The following NPAS3 variants were observed in gnomAD, a reference collection of about 807,000 sequenced individuals.
NPAS3 encodes neuronal PAS domain protein 3, also known as neuronal PAS domain-containing protein 3.
Under a neutral mutation model 73.1 loss-of-function variants are expected in NPAS3, and 14 were observed. The observed-to-expected ratio is 0.19, with a 90% CI of 0.13 to 0.30. The LOEUF is 0.30. Ranked by LOEUF, NPAS3 falls within the 10% of genes least tolerant of loss-of-function variation. The pLI is 1.00. For missense variants in NPAS3, 1,096 were observed against 1,250.0 expected, an observed-to-expected ratio of 0.88 and a Z score of 1.86; for synonymous variants, 620 against 541.5, an observed-to-expected ratio of 1.14 and a Z score of -2.01.
chr14:33,166,494 G>C (rs929467947), intron 2 of NPAS3, among the ~76,000 whole-genome samples: 1 of 152,112 alleles, frequency 6.6e-6, no homozygotes, highest in Admixed American at 6.5e-5. Flanking sequence ...TAGACTCTTG[G>C]AGGGAGGGCA....
At chr14:33,597,049 T>A (rs1378233261) in intron 5 of NPAS3, among the ~76,000 whole-genome samples, 1 of 152,178 alleles carries the variant, frequency 6.6e-6, no homozygotes, top group Non-Finnish European at 1.5e-5. Context: ...TTTATATAAA[T>A]CAAAGGCGGT....
At position 33,357,865 on chromosome 14, in the gene NPAS3, A is replaced by T. The variant is rs1221995851; in HGVS notation, c.386-9321A>T. Among the ~76,000 whole-genome samples the T allele has an allele frequency of 2.0e-5, 3 of 152,196 alleles. 1 individual carries two copies. The highest frequency in any genetic ancestry group is 6.5e-5 in the Admixed American group (1 of 15,282). ...CCTCACAACTGCTGTGAGAGGCATTAACCCTTTTGACAGAATGAGAAATTG... is the reference window on the plus strand; with the variant it reads ...CCTCACAACTGCTGTGAGAGGCATTTACCCTTTTGACAGAATGAGAAATTG... On this transcript the variant is annotated intron_variant, in intron 3 of 11. Coordinates refer to ENST00000356141, the Ensembl canonical transcript of NPAS3.
chr14:33,538,604 G>A (rs754644724), intron 4 of NPAS3, among the ~76,000 whole-genome samples: 7 of 152,140 alleles, frequency 4.6e-5, no homozygotes, highest in Non-Finnish European at 8.8e-5. Flanking sequence ...CTTGGCATTA[G>A]GACTTATGAG....
rs545245207 is a variant in NPAS3 at position 33,298,113 on chromosome 14, C to A, written c.386-69073C>A. On this transcript the variant is annotated intron_variant, in intron 3 of 11. Transcript: ENST00000356141. ...CCTGGCCAACATGGTGAAACCCCGTCTCTACTAAAGATACAAAAAATTAGT... is the reference window on the plus strand; with the variant it reads ...CCTGGCCAACATGGTGAAACCCCGTATCTACTAAAGATACAAAAAATTAGT... 2.0e-5 allele frequency among the ~76,000 whole-genome samples: 3 copies of A among 152,272 alleles called. No individual in the cohort carries two copies. The East Asian group carries it at 5.8e-4, about 29-fold the overall frequency.
intron 2 of NPAS3, among the ~76,000 whole-genome samples, chr14:33,065,213 G>A (rs1451508248): frequency 6.6e-6 from 1 of 152,166 alleles, no homozygotes; most frequent in Non-Finnish European, 1.5e-5. Context: ...TGTGGAAATA[G>A]TTTTGCAGTT....
intron 4 of NPAS3, among the ~76,000 whole-genome samples, chr14:33,419,898 G>A (rs1366796773): frequency 6.6e-6 from 1 of 151,950 alleles, no homozygotes; most frequent in Non-Finnish European, 1.5e-5. Context: ...AGCCCGTTCA[G>A]AGTGACAGAA....
intron 3 of NPAS3, among the ~76,000 whole-genome samples, chr14:33,317,761 C>T (rs2140223717): frequency 6.6e-6 from 1 of 152,156 alleles, no homozygotes; most frequent in African/African-American, 2.4e-5. Flanking sequence ...AATTAAACCT[C>T]TTTCCTTTAT....
At chr14:33,111,384 A>G (rs2042887483) in intron 2 of NPAS3, among the ~76,000 whole-genome samples, 1 of 152,194 alleles carries the variant, frequency 6.6e-6, no homozygotes, top group South Asian at 2.1e-4. Context: ...CAGTTGCTTT[A>G]TAAGAATCCA....
At chr14:33,071,806 A>G (rs1030729735) in intron 2 of NPAS3, among the ~76,000 whole-genome samples, 26 of 152,332 alleles carry the variant, frequency 1.7e-4, no homozygotes, top group Non-Finnish European at 3.1e-4. Context: ...TATTCAAATG[A>G]AAAAATACAA....
intron 4 of NPAS3, among the ~76,000 whole-genome samples, chr14:33,400,942 T>C (rs78994338): frequency 1.4e-5 from 2 of 147,224 alleles, no homozygotes; most frequent in Admixed American, 6.8e-5. Context: ...TTTTTTTTTT[T>C]ACAGTTCTTT....
intron 7 of NPAS3, among the ~76,000 whole-genome samples, chr14:33,743,187 G>A (rs1331757024): frequency 6.6e-6 from 1 of 152,202 alleles, no homozygotes; most frequent in African/African-American, 2.4e-5. Context: ...AGATTCATCA[G>A]AGGAAGCACT....
intron 5 of NPAS3, among the ~76,000 whole-genome samples, chr14:33,572,104 T>C (rs1670133835): frequency 1.3e-5 from 2 of 152,142 alleles, no homozygotes; most frequent in African/African-American, 4.8e-5. Context: ...CCCAAACCTT[T>C]CATAGGGTGG....
At chr14:33,440,478 A>G (rs910996639) in intron 4 of NPAS3, among the ~76,000 whole-genome samples, 2 of 152,226 alleles carry the variant, frequency 1.3e-5, no homozygotes, top group Admixed American at 1.3e-4. Flanking sequence ...GTAATGCCAA[A>G]TGATTATACC....
intron 6 of NPAS3, among the ~76,000 whole-genome samples, chr14:33,708,232 G>T (rs1019877790): frequency 6.6e-6 from 1 of 152,144 alleles, no homozygotes; most frequent in African/African-American, 2.4e-5. Context: ...CGGTGTCCTC[G>T]GAAGAAACCG....
intron 5 of NPAS3, among the ~76,000 whole-genome samples, chr14:33,640,974 C>T (rs1337394322): frequency 1.3e-5 from 2 of 152,100 alleles, no homozygotes; most frequent in African/African-American, 4.8e-5. Context: ...AGGAAAGGTA[C>T]CCAAGTGTTA....
chr14:33,286,559 G>A (rs1466863998), intron 3 of NPAS3, among the ~76,000 whole-genome samples: 1 of 152,086 alleles, frequency 6.6e-6, no homozygotes, highest in Non-Finnish European at 1.5e-5. Context: ...ATCTCCTTGT[G>A]GGGTTACCGA....
intron 4 of NPAS3, among the ~76,000 whole-genome samples, chr14:33,522,621 A>G (rs960737128): frequency 6.6e-6 from 1 of 152,144 alleles, no homozygotes; most frequent in East Asian, 1.9e-4. Context: ...TCGGACAAAG[A>G]CATTGGGGAC....
At chr14:33,250,712 TC>T (rs2048552091) in intron 3 of NPAS3, among the ~76,000 whole-genome samples, 1 of 152,136 alleles carries the variant, frequency 6.6e-6, no homozygotes, top group South Asian at 2.1e-4. Context: ...CCTCTTTTTT[TC>T]CTTCCTCTTT....
intron 2 of NPAS3, among the ~76,000 whole-genome samples, chr14:33,196,986 T>C (rs1594364369): frequency 6.6e-6 from 1 of 152,158 alleles, no homozygotes; most frequent in African/African-American, 2.4e-5. Context: ...TATTGATAAC[T>C]ATGCATCATG....
Sources: gnomAD v4.1 joint callset for allele counts (sites outside exome capture counted in the v4.1 genomes callset) on GRCh38, gnomAD v4.1.1 for gene constraint, MANE v1.5 for transcripts, NCBI Gene and HGNC (gene_info 2026-07-23, HGNC 2026-07-21) for gene names.